Variants in FHIT observed in about 807,000 individuals in gnomAD.
FHIT encodes fragile histidine triad diadenosine triphosphatase.
A neutral mutation model predicts 17.9 loss-of-function variants in FHIT; 19 were observed. The ratio of observed to expected loss-of-function variants is 1.06; its 90% CI spans 0.74 to 1.56. FHIT has a LOEUF of 1.56. Among genes scored for constraint, FHIT ranks in the 40% most tolerant of loss-of-function variants. The probability of loss-of-function intolerance (pLI) is 0.00; values close to 1 mark genes in which losing one functional copy is unlikely to be tolerated. For missense variants in FHIT, 248 were observed against 189.2 expected (o/e 1.31, Z -1.82); for synonymous variants, 81 against 69.7 (o/e 1.16, Z -0.81).
intron 4 of FHIT, among the ~76,000 whole-genome samples, chr3:60,725,524 G>C (rs1238536131): frequency 4.6e-5 from 7 of 152,046 alleles, no homozygotes; most frequent in Admixed American, 4.6e-4. Flanking sequence ...GTTGTCTATG[G>C]CATCTTTTGC....
At chr3:60,003,493 A>C (rs1302340492) in intron 7 of FHIT, among the ~76,000 whole-genome samples, 1 of 152,118 alleles carries the variant, frequency 6.6e-6, no homozygotes, top group Admixed American at 6.6e-5. Context: ...AAATGGTTCC[A>C]GAGCACTTTA....
In FHIT at chr3:60,436,451, C is replaced by T. The variant is rs560547154; in HGVS notation, c.103+100409G>A. ...AAGTATATGCAGTGTGCCCATCATG[C>T]CAGCCACTGTCCTAGGTGCTGAGGA... On this transcript the variant is annotated intron_variant, in intron 5 of 9. Transcript: ENST00000492590. Among the ~76,000 whole-genome samples the T allele has an allele frequency of 4.8e-4, 73 of 152,204 alleles. 1 individual carries two copies. The highest frequency in any genetic ancestry group is 7.5e-4 in the Non-Finnish European group (51 of 67,994).
chr3:60,418,417 TA>T (rs1702341536), intron 5 of FHIT, among the ~76,000 whole-genome samples: 1 of 52,310 alleles, frequency 1.9e-5, no homozygotes. Context: ...TATATATATA[TA>T]TATATATACG....
intron 5 of FHIT, among the ~76,000 whole-genome samples, chr3:60,358,101 G>A (rs1019482441): frequency 6.6e-6 from 1 of 152,202 alleles, no homozygotes; most frequent in Admixed American, 6.5e-5. Flanking sequence ...CATAAGTTTT[G>A]AGAAAGAAGG....
intron 5 of FHIT, among the ~76,000 whole-genome samples, chr3:60,054,268 C>T (rs1361991974): frequency 5.3e-5 from 8 of 152,114 alleles, no homozygotes; most frequent in Middle Eastern, 3.2e-3. Context: ...GAAAGAAAAA[C>T]GGTTACAGAG....
chr3:60,631,416 T>C (rs2039439347), intron 4 of FHIT, among the ~76,000 whole-genome samples: 1 of 152,180 alleles, frequency 6.6e-6, no homozygotes, highest in African/African-American at 2.4e-5. Context: ...TTTCACTAAC[T>C]ATTATTCTGA....
chr3:60,303,186 G>A lies in FHIT; in HGVS notation c.103+233674C>T, dbSNP rs577882026. 1.1e-4 allele frequency among the ~76,000 whole-genome samples: 16 copies of A among 152,274 alleles called. No individual in the cohort carries two copies. The Middle Eastern group carries it at 0.01, about 97-fold the overall frequency. ...AATTCAAATTGATATGCAAGCCTGT[G>A]ACAGAGGCTATCAGAAGAAACTATT... On this transcript the variant is annotated intron_variant, in intron 5 of 9. Transcript: ENST00000492590.
intron 7 of FHIT, among the ~76,000 whole-genome samples, chr3:59,985,659 A>C (rs1708864424): frequency 1.3e-5 from 2 of 152,178 alleles, no homozygotes; most frequent in Non-Finnish European, 2.9e-5. Context: ...AATTTCACTA[A>C]AGACTTAAAC....
intron 3 of FHIT, among the ~76,000 whole-genome samples, chr3:60,970,441 T>C (rs925615465): frequency 2.0e-5 from 3 of 152,152 alleles, no homozygotes; most frequent in Non-Finnish European, 4.4e-5. Flanking sequence ...AATAGAAGTA[T>C]TTAGTGTTTT....
At chr3:59,809,100 A>G (rs1700315522) in intron 8 of FHIT, among the ~76,000 whole-genome samples, 1 of 152,206 alleles carries the variant, frequency 6.6e-6, no homozygotes, top group Non-Finnish European at 1.5e-5. Flanking sequence ...TTACATAAAT[A>G]GTTAAGGAAC....
chr3:60,853,352 A>G (rs1575598961), intron 3 of FHIT, among the ~76,000 whole-genome samples: 1 of 152,246 alleles, frequency 6.6e-6, no homozygotes, highest in Non-Finnish European at 1.5e-5. Context: ...TTTTAAATAG[A>G]CTTTTCAAAA....
At chr3:59,997,392 C>T (rs1226003030) in intron 7 of FHIT, among the ~76,000 whole-genome samples, 1 of 151,920 alleles carries the variant, frequency 6.6e-6, no homozygotes, top group Non-Finnish European at 1.5e-5. Context: ...AGTGTTGGTT[C>T]ACAATAATAA....
chr3:61,206,892 G>C (rs1471087264), intron 1 of FHIT, among the ~76,000 whole-genome samples: 1 of 152,144 alleles, frequency 6.6e-6, no homozygotes, highest in Non-Finnish European at 1.5e-5. Context: ...TCCCTGTCTT[G>C]TGCCAGTTTT....
chr3:60,360,960 G>T (rs999477548), intron 5 of FHIT, among the ~76,000 whole-genome samples: 1 of 152,102 alleles, frequency 6.6e-6, no homozygotes, highest in Non-Finnish European at 1.5e-5. Context: ...AAAGCCTTCC[G>T]TCCGACCCAT....
intron 2 of FHIT, among the ~76,000 whole-genome samples, chr3:61,127,317 T>C (rs1054333143): frequency 6.6e-6 from 1 of 152,200 alleles, no homozygotes; most frequent in Admixed American, 6.5e-5. Flanking sequence ...ATGCAGTTTG[T>C]TCTGCCACTC....
intron 2 of FHIT, among the ~76,000 whole-genome samples, chr3:61,185,733 T>C (rs139699336): frequency 1.1e-4 from 17 of 152,110 alleles, no homozygotes; most frequent in African/African-American, 3.6e-4. Context: ...CATGCCCACA[T>C]AAAGAACTAA....
chr3:60,804,646 G>T (rs570060105), intron 4 of FHIT, among the ~76,000 whole-genome samples: 1 of 152,084 alleles, frequency 6.6e-6, no homozygotes, highest in African/African-American at 2.4e-5. Context: ...GAGATAGCTC[G>T]GCCTTATGAA....
At position 60,836,857 on chromosome 3, in the gene FHIT, T is replaced by G. The variant is rs1702560029; in HGVS notation, c.-110-14846A>C. On this transcript the variant is annotated intron_variant, in intron 3 of 9. Transcript: ENST00000492590. ...AATTGTACTAAGTATAATATCTGTG[T>G]GTCTTGTTCTGGTAGCTATCTTGGG... Among the ~76,000 whole-genome samples the G allele has an allele frequency of 2.0e-5, 3 of 152,334 alleles. No individual in the cohort carries two copies. In the South Asian group the frequency reaches 6.2e-4, roughly 32 times the overall value.
intron 1 of FHIT, among the ~76,000 whole-genome samples, chr3:61,231,494 G>GAA (rs58242774): frequency 1.0e-3 from 144 of 141,450 alleles, no homozygotes; most frequent in African/African-American, 2.7e-3. Context: ...GTCTCTTACG[G>GAA]AAAAAAAAAA....
Sources: allele counts gnomAD v4.1 joint callset (sites outside exome capture counted in the v4.1 genomes callset), GRCh38; gene constraint gnomAD v4.1.1; transcripts MANE v1.5; gene names NCBI Gene and HGNC (gene_info 2026-07-23, HGNC 2026-07-21).